RBPJ: variants seen among roughly 807,000 people sequenced by gnomAD.
RBPJ encodes the protein recombining binding protein suppressor of hairless.
RBPJ carries 9 observed loss-of-function variants against 67.8 expected under a neutral mutation model. That is an observed-to-expected ratio of 0.13 (90% CI 0.08 to 0.23). The LOEUF (loss-of-function observed/expected upper bound fraction) is 0.23. Among genes scored for constraint, RBPJ ranks in the 10% least tolerant of loss-of-function variants. The pLI, the probability that RBPJ is intolerant of heterozygous loss-of-function variation, is 1.00. For synonymous variants in RBPJ, 198 were observed against 203.3 expected (o/e 0.97, Z 0.22); for missense variants, 305 against 595.6 (o/e 0.51, Z 5.08).
At chr4:26,255,939 G>A (rs1720330677) in intron 1 of RBPJ, among the ~76,000 whole-genome samples, 1 of 152,014 alleles carries the variant, frequency 6.6e-6, no homozygotes, top group African/African-American at 2.4e-5. Context: ...TAACCAATAA[G>A]CTGGACTAGA....
chr4:26,208,555 A>G (rs150891633), intron 1 of RBPJ, among the ~76,000 whole-genome samples: 2,125 of 152,356 alleles, frequency 0.014, 28 homozygotes, highest in Middle Eastern at 0.051. Context: ...AGAGGGAGAC[A>G]AACTGAAAGG....
chr4:26,314,252 A>C (rs1198852925), intron 1 of RBPJ, among the ~76,000 whole-genome samples: 1 of 152,228 alleles, frequency 6.6e-6, no homozygotes, highest in Non-Finnish European at 1.5e-5. Context: ...TATAATTTAA[A>C]AAAAAAGACA....
intron 1 of RBPJ, among the ~76,000 whole-genome samples, chr4:26,329,090 T>C (rs796310866): frequency 1.5e-4 from 23 of 152,170 alleles, no homozygotes; most frequent in African/African-American, 5.5e-4. Flanking sequence ...GCCTCCCGGG[T>C]TCAAATGATT....
At chr4:26,270,379 AAGAAAGAAAG>A (rs1398923864) in intron 1 of RBPJ, among the ~76,000 whole-genome samples, 2 of 47,358 alleles carry the variant, frequency 4.2e-5, no homozygotes, top group African/African-American at 1.3e-4. Flanking sequence ...GAAAGAAAGA[AAGAAAGAAAG>A]AAAGAAAGAA....
rs1553882969 is a variant in RBPJ, at chr4:26,431,206, A to AAG, written c.*200_*201insGA. 397 of 426,246 alleles carry AAG rather than the reference A, an allele frequency of 9.3e-4. 3 individuals carry two copies. The highest frequency in any genetic ancestry group is 7.9e-3 in the African/African-American group (380 of 48,216). The allele number at this position is 426,246 out of a possible 1,614,324, so 26.4% of individuals were successfully genotyped here. ...CAGTAAAAAAAAAAAAAAAAAAAAA[A>AAG]AAAAAGAAAAAAAAATCAAAATGTA... On this transcript the variant is annotated 3_prime_UTR_variant, in exon 11 of 11. Coordinates refer to ENST00000355476, the MANE Select transcript of RBPJ (RefSeq NM_015874.6).
chr4:26,311,028 G>A (rs1722413473), intron 1 of RBPJ, among the ~76,000 whole-genome samples: 1 of 152,124 alleles, frequency 6.6e-6, no homozygotes, highest in Admixed American at 6.5e-5. Flanking sequence ...TTGATGAGAT[G>A]AATGCAAGTT....
At position 26,321,140 on chromosome 4, in the gene RBPJ, G is replaced by C. The variant is rs1722989387; in HGVS notation, c.20+92G>C. ...GCAGCGGGTTCGGGGGCCGCGGCGC[G>C]CTTGGCGTTCGGGGGCCCGCGGGGG... is the stretch of plus-strand genomic sequence containing the variant. On this transcript the variant is annotated intron_variant, in intron 1 of 10. Transcript: ENST00000355476. The C allele has an allele frequency of 1.5e-5, 15 of 983,940 alleles. No homozygotes were observed. In the South Asian group the frequency reaches 2.3e-4, roughly 15 times the overall value. The allele number at this position is 983,940 out of a possible 1,614,324, so 61.0% of individuals were successfully genotyped here.
chr4:26,386,462 T>C, intron 2 of RBPJ, 71 bp downstream of exon 2: 1 of 991,532 alleles, frequency 1.0e-6, no homozygotes, highest in Non-Finnish European at 1.5e-6. Context: ...TTTTAGATAT[T>C]ATATTAATAG....
At chr4:26,401,099 A>G (rs983493031) in intron 2 of RBPJ, among the ~76,000 whole-genome samples, 21 of 152,326 alleles carry the variant, frequency 1.4e-4, no homozygotes, top group African/African-American at 5.0e-4. Context: ...TTCTAAGGAA[A>G]TAATAGTAAT....
intron 1 of RBPJ, among the ~76,000 whole-genome samples, chr4:26,184,597 A>G (rs1717159056): frequency 1.3e-5 from 2 of 152,124 alleles, no homozygotes; most frequent in South Asian, 4.2e-4. Context: ...TCAAGACCTC[A>G]GGACCAGTCA....
At chr4:26,355,792 A>G (rs1553869085) in intron 1 of RBPJ, among the ~76,000 whole-genome samples, 2 of 152,210 alleles carry the variant, frequency 1.3e-5, no homozygotes, top group Non-Finnish European at 1.5e-5. Context: ...ACACTCACAC[A>G]AACTGTAAGG....
intron 1 of RBPJ, among the ~76,000 whole-genome samples, chr4:26,186,318 G>C (rs1014493132): frequency 1.3e-5 from 2 of 151,806 alleles, no homozygotes; most frequent in African/African-American, 2.4e-5. Context: ...TGTTAAATTG[G>C]GATAACATTG....
chr4:26,286,788 C>CTTTTT (rs755346375), intron 1 of RBPJ, among the ~76,000 whole-genome samples: 1 of 134,936 alleles, frequency 7.4e-6, no homozygotes, highest in African/African-American at 2.8e-5. Context: ...AGTAAAACCT[C>CTTTTT]TTTTTTTTTT....
At chr4:26,155,330 T>C in the RBPJ span, among the ~76,000 whole-genome samples, 833 of 152,270 alleles carry the variant, frequency 5.5e-3, 11 homozygotes, top group African/African-American at 0.018. Context: ...AAGCCCTTCA[T>C]GGCTGAGGTG....
the RBPJ span, among the ~76,000 whole-genome samples, chr4:26,139,695 G>A: frequency 1.8e-4 from 28 of 152,278 alleles, no homozygotes; most frequent in African/African-American, 5.8e-4. Context: ...GGCCACAGGG[G>A]CCTCTGTTTT....
At chr4:26,317,191 AAATC>A (rs1722679884), upstream of RBPJ, among the ~76,000 whole-genome samples, 1 of 151,792 alleles carries the variant, frequency 6.6e-6, no homozygotes, top group Non-Finnish European at 1.5e-5. Flanking sequence ...GCCATGGACA[AAATC>A]AAGCAGAAAG....
intron 1 of RBPJ, among the ~76,000 whole-genome samples, chr4:26,251,586 G>A (rs1041398230): frequency 6.1e-5 from 9 of 147,552 alleles, no homozygotes; most frequent in South Asian, 2.2e-4. Context: ...CAATGAGAGC[G>A]GAAATCATGC....
At chr4:26,136,208 G>A in the RBPJ span, among the ~76,000 whole-genome samples, 1 of 152,160 alleles carries the variant, frequency 6.6e-6, no homozygotes, top group East Asian at 1.9e-4. Flanking sequence ...TTCAAGGTGA[G>A]ATTTGGGTGG....
intron 1 of RBPJ, among the ~76,000 whole-genome samples, chr4:26,241,898 G>A (rs1299274186): frequency 6.6e-6 from 1 of 152,128 alleles, no homozygotes; most frequent in East Asian, 1.9e-4. Context: ...AGAATTTGAA[G>A]CAGTACTTCA....
Sources: allele counts gnomAD v4.1 joint callset (sites outside exome capture counted in the v4.1 genomes callset), GRCh38; gene constraint gnomAD v4.1.1; transcripts MANE v1.5; gene names NCBI Gene and HGNC (gene_info 2026-07-23, HGNC 2026-07-21).